The following ZNF800 variants were observed in gnomAD, a reference collection of about 807,000 sequenced individuals.
ZNF800 encodes zinc finger protein 800.
A neutral mutation model predicts 59.5 loss-of-function variants in ZNF800; 13 were observed. The observed-to-expected ratio is 0.22, with a 90% confidence interval of 0.14 to 0.35. The LOEUF (loss-of-function observed/expected upper bound fraction) is 0.35. ZNF800 is among the 10% of genes least tolerant of loss of function. The probability of loss-of-function intolerance (pLI) is 1.00; values close to 1 mark genes in which losing one functional copy is unlikely to be tolerated. For synonymous variants in ZNF800, 266 were observed against 265.7 expected (o/e 1.00, Z -0.01); for missense variants, 621 against 783.7 (o/e 0.79, Z 2.48).
chr7:127,368,745 C>A (rs1270212165), downstream of ZNF800, among the ~76,000 whole-genome samples: 2 of 152,118 alleles, frequency 1.3e-5, no homozygotes, highest in Admixed American at 1.3e-4. Flanking sequence ...TCTATACCCA[C>A]AGCCTCATGC....
chr7:127,384,693 A>G (rs2117185337), intron 3 of ZNF800, among the ~76,000 whole-genome samples: 1 of 152,288 alleles, frequency 6.6e-6, no homozygotes, highest in East Asian at 1.9e-4. Flanking sequence ...AAGAACCAAA[A>G]AAACCCTTTA....
intron 3 of ZNF800, among the ~76,000 whole-genome samples, chr7:127,379,506 T>G (rs1459083447): frequency 6.6e-6 from 1 of 152,158 alleles, no homozygotes; most frequent in African/African-American, 2.4e-5. Flanking sequence ...GAATTCAACT[T>G]AAGATTTAAA....
intron 4 of ZNF800, among the ~76,000 whole-genome samples, chr7:127,375,848 G>A (rs1311304547): frequency 6.6e-6 from 1 of 151,894 alleles, no homozygotes; most frequent in East Asian, 1.9e-4. Context: ...ATCAGGAAGT[G>A]ATTCATTATA....
chr7:127,387,552 A>C (rs146438078), intron 2 of ZNF800, among the ~76,000 whole-genome samples: 14 of 152,284 alleles, frequency 9.2e-5, no homozygotes, highest in Non-Finnish European at 2.1e-4. Flanking sequence ...TCATTAAGCA[A>C]AATTTCCCCA....
intron 2 of ZNF800, among the ~76,000 whole-genome samples, chr7:127,387,038 T>G (rs113359338): frequency 6.6e-6 from 1 of 152,078 alleles, no homozygotes; most frequent in Admixed American, 6.5e-5. Flanking sequence ...AAAGGACACA[T>G]TTTTACAATA....
At chr7:127,381,418 A>G (rs4731355) in intron 3 of ZNF800, among the ~76,000 whole-genome samples, 97,394 of 151,894 alleles carry the variant, frequency 0.64, 31,637 homozygotes, top group East Asian at 0.86. Context: ...TCCTAAAACT[A>G]TCACCTGTAA....
rs763015137 is a variant in ZNF800, at chr7:127,373,939, G to A, written c.1397C>T (p.Ala466Val). The stretch of plus-strand genomic sequence containing the variant: ...TTTTCTGGTTTTTTGCTGGCCACCT[G>A]CAGCCGACGGACTAGTTGATTTAGG... The part of the protein sequence containing the change: ...ESPKSTSPSA[A>V]GGQQKTRKPK... Residue 466 changes from alanine to valine, a missense_variant, in exon 5 of 6, where the codon GCA becomes GTA. Coordinates refer to ENST00000265827, the MANE Select transcript of ZNF800 (RefSeq NM_176814.5). The A allele has an allele frequency of 6.2e-7, 1 of 1,614,182 alleles. No individual in the cohort carries two copies. The highest frequency in any genetic ancestry group is 1.1e-5 in the South Asian group (1 of 91,086).
At chr7:127,357,044 T>C (rs1800285636) in intron 1 of ZNF800, among the ~76,000 whole-genome samples, 1 of 152,028 alleles carries the variant, frequency 6.6e-6, no homozygotes, top group Non-Finnish European at 1.5e-5. Context: ...CTTTATTAAA[T>C]CAATGGTTTC....
chr7:127,363,306 T>C (rs966685922), intron 1 of ZNF800: 2 of 151,892 alleles, frequency 1.3e-5, no homozygotes, highest in African/African-American at 4.8e-5. Flanking sequence ...TGATAAGTGA[T>C]ACCTCGGGAA....
At chr7:127,381,405 C>A (rs1472053771) in intron 3 of ZNF800, among the ~76,000 whole-genome samples, 1 of 151,308 alleles carries the variant, frequency 6.6e-6, no homozygotes, top group Non-Finnish European at 1.5e-5. Flanking sequence ...ATTGAAAGTT[C>A]TATCCTAAAA....
chr7:127,356,174 T>G (rs1200348683), intron 1 of ZNF800, among the ~76,000 whole-genome samples: 1 of 151,978 alleles, frequency 6.6e-6, no homozygotes, highest in Non-Finnish European at 1.5e-5. Flanking sequence ...GCTAAAGCAA[T>G]GATGTATAAC....
Position 127,371,134 on chromosome 7 carries a change from TA to T in ZNF800, c.*679del. The stretch of plus-strand genomic sequence containing the variant: ...AAAATAGGGGAATGTTTAATTTTCA[TA>T]AAAACCTACATTTACAAGTGAAAAA... On this transcript the variant is annotated 3_prime_UTR_variant, in exon 6 of 6. Transcript: ENST00000265827. 6.5e-6 allele frequency: 1 copy of T among 152,680 alleles called. No homozygotes were observed. Among genetic ancestry groups the T allele is most frequent in the African/African-American group, 2.4e-5 (1 of 41,572 alleles). The allele number at this position is 152,680 out of a possible 1,614,324, so 9.5% of individuals were successfully genotyped here. A position where few individuals can be genotyped will look rare whatever the true frequency, so the allele number is the denominator to read the frequency against.
At chr7:127,364,897 T>C (rs372808650) in intron 1 of ZNF800, 2 of 152,192 alleles carry the variant, frequency 1.3e-5, no homozygotes, top group Admixed American at 6.6e-5. Flanking sequence ...TTAAGAACAG[T>C]GTGAAAAGTT....
intron 3 of ZNF800, among the ~76,000 whole-genome samples, chr7:127,383,466 C>A (rs1265641435): frequency 6.6e-6 from 1 of 152,086 alleles, no homozygotes; most frequent in Non-Finnish European, 1.5e-5. Flanking sequence ...ACGTGTGTGA[C>A]CTAATTGTAA....
At chr7:127,378,950 TAAAG>T (rs1008230255) in intron 3 of ZNF800, among the ~76,000 whole-genome samples, 5 of 152,116 alleles carry the variant, frequency 3.3e-5, no homozygotes, top group Admixed American at 2.6e-4. Context: ...GAAGAATTAT[TAAAG>T]AAAATATGAA....
chr7:127,386,045 C>T lies in ZNF800; in HGVS notation c.157+15G>A. 4 of 1,581,036 alleles carry T rather than the reference C, an allele frequency of 2.5e-6. No individual in the cohort carries two copies. Among genetic ancestry groups the T allele is most frequent in the Non-Finnish European group, 3.5e-6 (4 of 1,154,488 alleles). Reference sequence around the variant, plus strand: ...CTATGTGAAGATTGAAAAATATATCCTAAAACATTCATACCTGATCGAAAG... The same window carrying T: ...CTATGTGAAGATTGAAAAATATATCTTAAAACATTCATACCTGATCGAAAG... On this transcript the variant is annotated intron_variant, in intron 3 of 5. Transcript: ENST00000265827.
At chr7:127,347,955 G>A (rs1165235870) in exon 2 of ZNF800, 1 of 149,058 alleles carries the variant, frequency 6.7e-6, no homozygotes, top group African/African-American at 2.4e-5. Context: ...GCGGCCTGAC[G>A]CGTGGTGACG....
chr7:127,364,840 A>C (rs1475585480), intron 1 of ZNF800: 1 of 152,124 alleles, frequency 6.6e-6, no homozygotes, highest in African/African-American at 2.4e-5. Context: ...GTCATGATAT[A>C]AGCAAGATCT....
chr7:127,384,227 C>CTTCTTTTTTTTTT (rs1801063805), intron 3 of ZNF800, among the ~76,000 whole-genome samples: 1 of 63,392 alleles, frequency 1.6e-5, no homozygotes, highest in Non-Finnish European at 2.8e-5. Context: ...ATTCTAACTT[C>CTTCTTTTTTTTTT]TTTTTTTTTT....
Sources: gnomAD v4.1 joint callset for allele counts (sites outside exome capture counted in the v4.1 genomes callset) on GRCh38, gnomAD v4.1.1 for gene constraint, MANE v1.5 for transcripts, NCBI Gene and HGNC (gene_info 2026-07-23, HGNC 2026-07-21) for gene names.